Variants in SLC17A1 observed in about 807,000 individuals in gnomAD.
The protein encoded by SLC17A1 is solute carrier family 17 member 1, also known as sodium-dependent phosphate transport protein 1.
SLC17A1 carries 51 observed loss-of-function variants against 53.5 expected under a neutral mutation model. That is an observed-to-expected ratio of 0.95 (90% confidence interval 0.76 to 1.20). SLC17A1 has a LOEUF of 1.20. SLC17A1 is among the 50% of genes most tolerant of loss of function. SLC17A1 has a pLI of 0.00. For missense variants in SLC17A1, 538 were observed against 568.2 expected, an observed-to-expected ratio of 0.95 and a Z score of 0.54; for synonymous variants, 179 against 198.8, an observed-to-expected ratio of 0.90 and a Z score of 0.84.
chr6:25,731,846 T>C, the SLC17A1 span: 5 of 1,602,478 alleles, frequency 3.1e-6, no homozygotes, highest in South Asian at 1.1e-5. Context: ...GCTTGGCTAG[T>C]TCCCCAGGCA....
Position 25,819,725 on chromosome 6 carries a change from A to C in SLC17A1, c.398T>G (p.Val133Gly). Residue 133 changes from valine to glycine, a missense_variant, in exon 4 of 13, where the codon GTA becomes GGA. Val to Gly is a moderately radical substitution (Grantham distance 109). Coordinates refer to ENST00000244527, the MANE Select transcript of SLC17A1 (RefSeq NM_005074.5). ...TGCTCGACATACAACGACCCAAGCTACTCCAATTCCAGCTGCTGGTGGGAT... is the reference window on the plus strand; with the variant it reads ...TGCTCGACATACAACGACCCAAGCTCCTCCAATTCCAGCTGCTGGTGGGAT... ...LLIPPAAGIG[V>G]AWVVVCRAVQ... 6.2e-7 allele frequency: 1 copy of C among 1,614,132 alleles called. No homozygotes were observed. The highest frequency in any genetic ancestry group is 1.1e-5 in the South Asian group (1 of 91,078).
chr6:25,726,766 C>T, the SLC17A1 span: 247 of 1,166,522 alleles, frequency 2.1e-4, no homozygotes, highest in African/African-American at 2.7e-3. Flanking sequence ...CATCTTTCAT[C>T]CTCCAGTTCT....
chr6:25,749,020 A>G, the SLC17A1 span, among the ~76,000 whole-genome samples: 2 of 152,156 alleles, frequency 1.3e-5, no homozygotes, highest in African/African-American at 2.4e-5. Flanking sequence ...CTCAACTGCA[A>G]GAGGCCTTCC....
the SLC17A1 span, among the ~76,000 whole-genome samples, chr6:25,729,098 C>G: frequency 6.6e-6 from 1 of 152,200 alleles, no homozygotes; most frequent in Non-Finnish European, 1.5e-5. Context: ...TGACCACTGT[C>G]AGACTACCCT....
the SLC17A1 span, among the ~76,000 whole-genome samples, chr6:25,737,129 T>C: frequency 1.3e-5 from 2 of 152,338 alleles, no homozygotes; most frequent in South Asian, 2.1e-4. Flanking sequence ...GGGTCTTAAT[T>C]TGTAGTTGAA....
the SLC17A1 span, chr6:25,770,235 C>T: frequency 6.2e-7 from 1 of 1,614,118 alleles, no homozygotes; most frequent in Non-Finnish European, 8.5e-7. Context: ...CCTCTTCATT[C>T]CACTGGCAGC....
At chr6:25,814,828 A>G (rs2151494756) in intron 6 of SLC17A1, among the ~76,000 whole-genome samples, 1 of 152,242 alleles carries the variant, frequency 6.6e-6, no homozygotes, top group South Asian at 2.1e-4. Flanking sequence ...TTCTAAAAAT[A>G]CAAAAAAATT....
chr6:25,798,374 C>G (rs1379360232), intron 12 of SLC17A1, among the ~76,000 whole-genome samples: 1 of 152,202 alleles, frequency 6.6e-6, no homozygotes, highest in Non-Finnish European at 1.5e-5. Flanking sequence ...TAAAGTTTCT[C>G]TTGCCTAAAC....
At chr6:25,774,264 TACTC>T in the SLC17A1 span, among the ~76,000 whole-genome samples, 3 of 152,238 alleles carry the variant, frequency 2.0e-5, no homozygotes, top group African/African-American at 7.2e-5. Context: ...AATAGACAGA[TACTC>T]TGAATGGCTG....
intron 12 of SLC17A1, among the ~76,000 whole-genome samples, chr6:25,790,276 C>T (rs759744259): frequency 1.6e-4 from 25 of 152,068 alleles, no homozygotes; most frequent in Non-Finnish European, 3.4e-4. Context: ...GTCTGGAAGA[C>T]GGTGGAGAAG....
At chr6:25,828,954 G>C (rs1764848393) in intron 2 of SLC17A1, among the ~76,000 whole-genome samples, 2 of 152,130 alleles carry the variant, frequency 1.3e-5, no homozygotes, top group African/African-American at 4.8e-5. Context: ...CCAACAAATA[G>C]TTGGCTAGTT....
chr6:25,804,124 T>G (rs758665633), intron 10 of SLC17A1, among the ~76,000 whole-genome samples: 7 of 152,124 alleles, frequency 4.6e-5, no homozygotes, highest in Non-Finnish European at 1.0e-4. Flanking sequence ...ATCTGACTTA[T>G]ATAGATATTT....
At chr6:25,747,506 C>G in the SLC17A1 span, among the ~76,000 whole-genome samples, 1 of 152,340 alleles carries the variant, frequency 6.6e-6, no homozygotes, top group Non-Finnish European at 1.5e-5. Context: ...TGCACAAATT[C>G]TTCAAGTATA....
intron 12 of SLC17A1, among the ~76,000 whole-genome samples, chr6:25,787,978 C>T (rs1299772279): frequency 6.6e-6 from 1 of 152,178 alleles, no homozygotes; most frequent in Non-Finnish European, 1.5e-5. Flanking sequence ...TCTTTCTCTG[C>T]TGCAAAACCT....
At chr6:25,750,633 C>CAG in the SLC17A1 span, among the ~76,000 whole-genome samples, 29,940 of 145,038 alleles carry the variant, frequency 0.21, 3,741 homozygotes, top group African/African-American at 0.37. Context: ...TAACCCATGT[C>CAG]AGAGAGAGAG....
the SLC17A1 span, among the ~76,000 whole-genome samples, chr6:25,752,929 G>A: frequency 6.6e-6 from 1 of 150,480 alleles, no homozygotes; most frequent in African/African-American, 2.5e-5. Context: ...TCCAGCCTGG[G>A]CAACAGTCTG....
Position 25,788,595 on chromosome 6 carries a change from C to T in SLC17A1, c.*3-5377G>A, listed in dbSNP as rs9366630. Among the ~76,000 whole-genome samples the T allele has an allele frequency of 2.0e-5, 3 of 152,138 alleles. No homozygotes were observed. In the East Asian group the frequency reaches 5.8e-4, roughly 29 times the overall value. The stretch of plus-strand genomic sequence containing the variant: ...CTGAGCTGGGTGACAGCCTCGCCCA[C>T]TGAAGTGGGTTGAGGAAAGCTTCTA... On this transcript the variant is annotated intron_variant, in intron 12 of 12. Transcript: ENST00000244527.
At chr6:25,732,705 A>T in the SLC17A1 span, 2 of 1,343,036 alleles carry the variant, frequency 1.5e-6, no homozygotes. Context: ...CGCAACGACA[A>T]GGAGCTCGAC....
the SLC17A1 span, among the ~76,000 whole-genome samples, chr6:25,763,459 C>T: frequency 6.6e-6 from 1 of 152,176 alleles, no homozygotes; most frequent in East Asian, 1.9e-4. Context: ...TGTCCAACAT[C>T]AGTTTTATTC....
Sources: allele counts gnomAD v4.1 joint callset (sites outside exome capture counted in the v4.1 genomes callset), GRCh38; gene constraint gnomAD v4.1.1; transcripts MANE v1.5; gene names NCBI Gene and HGNC (gene_info 2026-07-23, HGNC 2026-07-21).